Variants in MERTK observed in about 807,000 individuals in gnomAD.
The protein encoded by MERTK is tyrosine-protein kinase Mer.
A neutral mutation model predicts 99.3 loss-of-function variants in MERTK; 69 were observed. The ratio of observed to expected loss-of-function variants is 0.70; its 90% CI spans 0.57 to 0.85. The LOEUF is 0.85. Among genes scored for constraint, MERTK ranks in the 40% least tolerant of loss-of-function variants. MERTK has a pLI of 0.00. For synonymous variants in MERTK, 426 were observed against 467.6 expected (o/e 0.91, Z 1.15); for missense variants, 1,125 against 1,249.4 (o/e 0.90, Z 1.50).
At chr2:111,997,164 G>C (rs373367880) in intron 9 of MERTK, 159 bp from the exon 10 acceptor site, 2 of 854,274 alleles carry the variant, frequency 2.3e-6, no homozygotes, top group East Asian at 2.4e-5. Flanking sequence ...AGATCTCTTC[G>C]CATGGTCTCA....
intron 8 of MERTK, among the ~76,000 whole-genome samples, chr2:111,984,839 A>G (rs1676445396): frequency 6.6e-6 from 1 of 152,246 alleles, no homozygotes; most frequent in South Asian, 2.1e-4. Context: ...GCAACTCAGC[A>G]GCAGGCTCCT....
chr2:112,005,412 C>T (rs1331842061), intron 13 of MERTK, among the ~76,000 whole-genome samples: 1 of 152,184 alleles, frequency 6.6e-6, no homozygotes, highest in African/African-American at 2.4e-5. Context: ...GACTTGCTGA[C>T]TTGTCTAATT....
chr2:111,987,562 C>T (rs935766682), intron 8 of MERTK, among the ~76,000 whole-genome samples: 2 of 152,170 alleles, frequency 1.3e-5, no homozygotes, highest in Non-Finnish European at 2.9e-5. Flanking sequence ...GGCCCAGCTA[C>T]ACCATCTAAA....
At chr2:111,908,384 T>A (rs11673729) in intron 1 of MERTK, among the ~76,000 whole-genome samples, 34,970 of 152,140 alleles carry the variant, frequency 0.23, 4,329 homozygotes, top group Middle Eastern at 0.37. Flanking sequence ...GTAATAAAAC[T>A]CGCCTGTGTA....
intron 12 of MERTK, 32 bp downstream of exon 12, chr2:112,003,219 T>C (rs746050722): frequency 7.8e-6 from 8 of 1,030,414 alleles, no homozygotes; most frequent in Non-Finnish European, 1.2e-5. Context: ...TTTTAAAATG[T>C]GGGATAAGAA....
At chr2:111,967,934 C>T (rs2104725085) in intron 5 of MERTK, among the ~76,000 whole-genome samples, 1 of 152,274 alleles carries the variant, frequency 6.6e-6, no homozygotes, top group Non-Finnish European at 1.5e-5. Context: ...TTCTTTGGCC[C>T]TTCACTGGAA....
At chr2:111,963,192 AGCAGTATTGCTGCC>A (rs1685285462) in intron 4 of MERTK, among the ~76,000 whole-genome samples, 1 of 152,232 alleles carries the variant, frequency 6.6e-6, no homozygotes, top group Admixed American at 6.5e-5. Flanking sequence ...TGTCTTAAAG[AGCAGTATTGCTGCC>A]GCATGTCCTA....
At chr2:111,913,680 A>G (rs570565196) in intron 1 of MERTK, among the ~76,000 whole-genome samples, 4 of 152,242 alleles carry the variant, frequency 2.6e-5, no homozygotes, top group Admixed American at 2.0e-4. Flanking sequence ...AGTAGCTGGG[A>G]TTACAGGCGC....
chr2:112,021,391 C>T lies in MERTK; in HGVS notation c.2190-31C>T, dbSNP rs183947625. 2,102 of 1,611,754 alleles carry T rather than the reference C, an allele frequency of 1.3e-3. 4 individuals are homozygous for T. Among genetic ancestry groups the T allele is most frequent in the South Asian group, 3.5e-3 (323 of 90,998 alleles). Reference sequence around the variant, plus strand: ...CAGTAATTTAAGGCATTGCCTCTGACGCTGCTGAAGACGTAACCTGCTCTC... The same window carrying T: ...CAGTAATTTAAGGCATTGCCTCTGATGCTGCTGAAGACGTAACCTGCTCTC... On this transcript the variant is annotated intron_variant, in intron 16 of 18. Coordinates refer to ENST00000295408, the MANE Select transcript of MERTK (RefSeq NM_006343.3).
At chr2:112,015,701 T>A (rs1470866364) in intron 15 of MERTK, 1 of 152,744 alleles carries the variant, frequency 6.5e-6, no homozygotes, top group Non-Finnish European at 1.5e-5. Flanking sequence ...AGTTTTTTTT[T>A]AATGAGTCAT....
intron 2 of MERTK, among the ~76,000 whole-genome samples, chr2:111,931,526 A>G (rs953404007): frequency 2.0e-5 from 3 of 152,106 alleles, no homozygotes; most frequent in Non-Finnish European, 4.4e-5. Context: ...TCTCTACTAA[A>G]AATACGAAAA....
chr2:112,004,084 G>T, intron 13 of MERTK, 100 bp downstream of exon 13: 1 of 1,006,316 alleles, frequency 9.9e-7, no homozygotes, highest in Admixed American at 1.8e-5. Context: ...TTCCCAGTGG[G>T]CCAGAAGGCA....
Position 111,983,013 on chromosome 2 carries a change from G to A in MERTK, c.1296+20G>A, listed in dbSNP as rs764583828. 3.7e-6 allele frequency: 6 copies of A among 1,603,266 alleles called. No homozygotes were observed. Among genetic ancestry groups the A allele is most frequent in the Non-Finnish European group, 5.1e-6 (6 of 1,175,698 alleles). On this transcript the variant is annotated intron_variant, in intron 8 of 18. Transcript: ENST00000295408. ...ATTTCCGTAAGTCTAAACCCTAGAA[G>A]AGCACGATTAGTCATCTCCTTTCAA...
chr2:112,020,984 A>G (rs930138461), intron 16 of MERTK, among the ~76,000 whole-genome samples: 1 of 151,454 alleles, frequency 6.6e-6, no homozygotes, highest in Admixed American at 6.6e-5. Flanking sequence ...ACTTGAGATC[A>G]GGAGTCCGAG....
intron 5 of MERTK, among the ~76,000 whole-genome samples, chr2:111,965,963 A>G (rs749107680): frequency 3.3e-5 from 5 of 152,230 alleles, no homozygotes; most frequent in Admixed American, 1.3e-4. Context: ...AGACATTTCA[A>G]TCCAATCTAC....
chr2:111,903,872 A>G (rs527330028), intron 1 of MERTK, among the ~76,000 whole-genome samples: 1 of 152,326 alleles, frequency 6.6e-6, no homozygotes, highest in East Asian at 1.9e-4. Flanking sequence ...ATTATTACCA[A>G]TGGTTCTCCT....
At chr2:112,022,166 A>G in intron 17 of MERTK, 92 bp from the exon 18 acceptor site, 1 of 1,552,682 alleles carries the variant, frequency 6.4e-7, no homozygotes, top group Non-Finnish European at 8.9e-7. Context: ...CATGATCATC[A>G]GTGTTTAAGG....
intron 13 of MERTK, 27 bp from the exon 14 acceptor site, chr2:112,008,356 C>T (rs1054505029): frequency 1.3e-6 from 2 of 1,567,330 alleles, no homozygotes; most frequent in African/African-American, 2.7e-5. Flanking sequence ...ATTATCCATA[C>T]TTAACCTTTT....
chr2:111,954,424 T>C (rs936478740), intron 4 of MERTK, among the ~76,000 whole-genome samples: 1 of 152,226 alleles, frequency 6.6e-6, no homozygotes, highest in African/African-American at 2.4e-5. Flanking sequence ...TCTATCTATT[T>C]GTCAGGCCTC....
Sources: gnomAD v4.1 joint callset for allele counts (sites outside exome capture counted in the v4.1 genomes callset) on GRCh38, gnomAD v4.1.1 for gene constraint, MANE v1.5 for transcripts, NCBI Gene and HGNC (gene_info 2026-07-23, HGNC 2026-07-21) for gene names.